The following MARCHF1 variants were observed in gnomAD, a reference collection of about 807,000 sequenced individuals.
The protein encoded by MARCHF1 is membrane associated ring-CH-type finger 1.
A neutral mutation model predicts 54.2 loss-of-function variants in MARCHF1; 40 were observed. The ratio of observed to expected loss-of-function variants is 0.74; its 90% CI spans 0.57 to 0.96. The LOEUF is 0.96. Among genes scored for constraint, MARCHF1 ranks in the 40% least tolerant of loss-of-function variants. The pLI is 0.00. For missense variants in MARCHF1, 586 were observed against 656.5 expected (o/e 0.89, Z 1.17); for synonymous variants, 236 against 236.3 (o/e 1.00, Z 0.01).
At chr4:164,014,461 A>G (rs1160177267) in intron 2 of MARCHF1, among the ~76,000 whole-genome samples, 6 of 152,172 alleles carry the variant, frequency 3.9e-5, no homozygotes, top group African/African-American at 1.4e-4. Context: ...ACTTTTACAT[A>G]AAAGAAGACA....
chr4:163,531,622 T>C (rs1738354354), intron 9 of MARCHF1, among the ~76,000 whole-genome samples: 1 of 151,786 alleles, frequency 6.6e-6, no homozygotes, highest in Admixed American at 6.6e-5. Context: ...TAATAAAAGA[T>C]GATTGAGAAA....
chr4:164,157,324 C>A (rs1186074516), intron 1 of MARCHF1, among the ~76,000 whole-genome samples: 1 of 152,058 alleles, frequency 6.6e-6, no homozygotes, highest in Non-Finnish European at 1.5e-5. Context: ...CTTTACAAGA[C>A]AACTTCTGAG....
rs1749323516 is a variant in MARCHF1, at chr4:163,841,018, CTCAA to C, written c.111+12999_111+13002del. Among the ~76,000 whole-genome samples, 5 of 152,004 alleles carry C rather than the reference CTCAA, an allele frequency of 3.3e-5. No homozygotes were observed. In the South Asian group the frequency reaches 1.0e-3, roughly 32 times the overall value. ...ACTGCATTTACCTTTGTATAGCAAACTCAACATATTATAGTAATTCAAAGATTAG... is the reference window on the plus strand; with the variant it reads ...ACTGCATTTACCTTTGTATAGCAAACCATATTATAGTAATTCAAAGATTAG... On this transcript the variant is annotated intron_variant, in intron 4 of 9. Transcript: ENST00000514618.
intron 2 of MARCHF1, among the ~76,000 whole-genome samples, chr4:164,039,591 G>T (rs376002086): frequency 2.6e-5 from 4 of 152,192 alleles, no homozygotes; most frequent in South Asian, 4.1e-4. Context: ...GAACTGTGAA[G>T]AGAAGGCACT....
Position 163,924,117 on chromosome 4 carries a change from CACA to C in MARCHF1, c.-39+64381_-39+64383del, listed in dbSNP as rs997293660. Among the ~76,000 whole-genome samples, 6 of 152,106 alleles carry C rather than the reference CACA, an allele frequency of 3.9e-5. No individual in the cohort carries two copies. In the South Asian group the frequency reaches 1.0e-3, roughly 26 times the overall value. ...GATGCATGGAGTGTAGAAAGGTTTG[CACA>C]ACATTTCCAAAGACTAGGAGATGAA... is the stretch of plus-strand genomic sequence containing the variant. On this transcript the variant is annotated intron_variant, in intron 3 of 9. Transcript: ENST00000514618.
At chr4:164,207,693 G>A (rs1047393427) in intron 1 of MARCHF1, among the ~76,000 whole-genome samples, 7 of 152,002 alleles carry the variant, frequency 4.6e-5, no homozygotes, top group African/African-American at 1.5e-4. Flanking sequence ...TAGGGGGAAC[G>A]GGGGTTCCCT....
At chr4:164,125,664 C>T (rs1756164234) in intron 1 of MARCHF1, among the ~76,000 whole-genome samples, 1 of 152,138 alleles carries the variant, frequency 6.6e-6, no homozygotes, top group Non-Finnish European at 1.5e-5. Context: ...CCAGGGATTC[C>T]CAACCCCTCA....
chr4:164,069,507 G>A (rs1754814379), intron 2 of MARCHF1, among the ~76,000 whole-genome samples: 1 of 151,842 alleles, frequency 6.6e-6, no homozygotes. Flanking sequence ...AACCCACTGG[G>A]AGGAATGAAC....
intron 7 of MARCHF1, among the ~76,000 whole-genome samples, chr4:163,603,295 C>T (rs936163786): frequency 6.7e-6 from 1 of 149,448 alleles, no homozygotes; most frequent in Non-Finnish European, 1.5e-5. Flanking sequence ...GATACACATA[C>T]GAAACTGGGA....
intron 4 of MARCHF1, among the ~76,000 whole-genome samples, chr4:163,733,201 A>ATATATATACACGTG (rs1561046861): frequency 2.9e-5 from 1 of 34,264 alleles, no homozygotes; most frequent in African/African-American, 8.9e-5. Flanking sequence ...ATATATATAT[A>ATATATATACACGTG]TATATATATA....
intron 2 of MARCHF1, among the ~76,000 whole-genome samples, chr4:164,036,729 T>G (rs1420332582): frequency 6.6e-6 from 1 of 152,058 alleles, no homozygotes; most frequent in African/African-American, 2.4e-5. Context: ...GAACACAAAT[T>G]AAAATCTCAA....
intron 3 of MARCHF1, among the ~76,000 whole-genome samples, chr4:163,955,323 T>C (rs1305313846): frequency 8.0e-6 from 1 of 124,596 alleles, no homozygotes; most frequent in East Asian, 2.3e-4. Flanking sequence ...TCTCACATAA[T>C]AGAGGATAGG....
intron 4 of MARCHF1, among the ~76,000 whole-genome samples, chr4:163,781,024 T>C (rs1452499268): frequency 3.3e-5 from 5 of 152,104 alleles, no homozygotes; most frequent in Admixed American, 2.0e-4. Flanking sequence ...GTCTTGACTG[T>C]TGGAAGACAC....
chr4:164,061,545 G>GC (rs1473136399), intron 2 of MARCHF1, among the ~76,000 whole-genome samples: 1 of 104,954 alleles, frequency 9.5e-6, no homozygotes, highest in Non-Finnish European at 1.8e-5. Flanking sequence ...GTGGGGGGAG[G>GC]GGGGAGGGAT....
chr4:163,871,786 G>C (rs1380301550), intron 3 of MARCHF1, among the ~76,000 whole-genome samples: 1 of 152,060 alleles, frequency 6.6e-6, no homozygotes, highest in Non-Finnish European at 1.5e-5. Flanking sequence ...CAATTATGAA[G>C]ATTAAAATAC....
At chr4:164,192,983 C>T (rs568696092) in intron 1 of MARCHF1, among the ~76,000 whole-genome samples, 1 of 152,268 alleles carries the variant, frequency 6.6e-6, no homozygotes, top group African/African-American at 2.4e-5. Flanking sequence ...TTATCTGTAT[C>T]CCTACCCGGC....
At chr4:164,191,616 T>G (rs994927633) in intron 1 of MARCHF1, among the ~76,000 whole-genome samples, 1 of 152,190 alleles carries the variant, frequency 6.6e-6, no homozygotes, top group Non-Finnish European at 1.5e-5. Flanking sequence ...TAATCAAGTT[T>G]GTACAGGGAA....
chr4:163,989,311 G>A (rs1408883341), intron 2 of MARCHF1, among the ~76,000 whole-genome samples: 1 of 151,388 alleles, frequency 6.6e-6, no homozygotes, highest in African/African-American at 2.4e-5. Context: ...GAGAGAGAGA[G>A]AGAAAAGAAG....
At chr4:163,640,744 T>A (rs1742523345) in intron 5 of MARCHF1, among the ~76,000 whole-genome samples, 1 of 152,090 alleles carries the variant, frequency 6.6e-6, no homozygotes, top group Non-Finnish European at 1.5e-5. Context: ...TAAATTGGAT[T>A]CTTATACAGG....
Sources: allele counts gnomAD v4.1 joint callset (sites outside exome capture counted in the v4.1 genomes callset), GRCh38; gene constraint gnomAD v4.1.1; transcripts MANE v1.5; gene names NCBI Gene and HGNC (gene_info 2026-07-23, HGNC 2026-07-21).